The following GPC6 variants were observed in gnomAD, a reference collection of about 807,000 sequenced individuals.
GPC6 encodes the protein glypican-6.
GPC6 carries 14 observed loss-of-function variants against 55.2 expected under a neutral mutation model. That is an observed-to-expected ratio of 0.25 (90% CI 0.17 to 0.40). The LOEUF is 0.40. Among genes scored for constraint, GPC6 ranks in the 10% least tolerant of loss-of-function variants. The probability of loss-of-function intolerance (pLI) is 1.00; values close to 1 mark genes in which losing one functional copy is unlikely to be tolerated. For missense variants in GPC6, 641 were observed against 708.5 expected, an observed-to-expected ratio of 0.90 and a Z score of 1.08; for synonymous variants, 278 against 259.6, an observed-to-expected ratio of 1.07 and a Z score of -0.68.
At chr13:94,271,378 G>GCACA (rs1491249825) in intron 4 of GPC6, among the ~76,000 whole-genome samples, 18 of 112,822 alleles carry the variant, frequency 1.6e-4, no homozygotes, top group Non-Finnish European at 3.0e-4. Context: ...GCGCGCGCGC[G>GCACA]CGCGCACACA....
chr13:93,517,349 C>G (rs2139394207), intron 1 of GPC6, among the ~76,000 whole-genome samples: 1 of 152,098 alleles, frequency 6.6e-6, no homozygotes, highest in Middle Eastern at 3.4e-3. Flanking sequence ...TTCAGGCAAC[C>G]AGATAATAAG....
chr13:94,224,822 T>C (rs1216607750), intron 4 of GPC6, among the ~76,000 whole-genome samples: 1 of 152,120 alleles, frequency 6.6e-6, no homozygotes, highest in African/African-American at 2.4e-5. Context: ...TTGCACGACC[T>C]TTGTTCTTGA....
intron 2 of GPC6, among the ~76,000 whole-genome samples, chr13:93,726,008 G>C (rs1883622853): frequency 6.6e-6 from 1 of 151,494 alleles, no homozygotes; most frequent in South Asian, 2.1e-4. Context: ...CCCAATTAAA[G>C]TTCATCTAAT....
At chr13:94,333,756 G>A (rs539905817) in intron 6 of GPC6, among the ~76,000 whole-genome samples, 64 of 152,254 alleles carry the variant, frequency 4.2e-4, no homozygotes, top group Admixed American at 1.2e-3. Context: ...ATTCAAGTTC[G>A]GATCCTCTGA....
chr13:93,986,582 A>T (rs77712048), intron 3 of GPC6, among the ~76,000 whole-genome samples: 2,790 of 152,284 alleles, frequency 0.018, 97 homozygotes, highest in African/African-American at 0.064. Flanking sequence ...TGTGTATATT[A>T]TACATATCCA....
At chr13:93,331,984 A>T (rs914922588) in intron 1 of GPC6, among the ~76,000 whole-genome samples, 1 of 151,738 alleles carries the variant, frequency 6.6e-6, no homozygotes, top group African/African-American at 2.4e-5. Flanking sequence ...TGCCTGGCTT[A>T]TTTCACTTAA....
intron 1 of GPC6, among the ~76,000 whole-genome samples, chr13:93,535,693 A>AAAC (rs1274819780): frequency 1.3e-5 from 2 of 151,576 alleles, no homozygotes; most frequent in African/African-American, 4.9e-5. Context: ...GGAAAAAAAA[A>AAAC]AAAAAAAACC....
intron 1 of GPC6, among the ~76,000 whole-genome samples, chr13:93,532,924 T>TA (rs928274963): frequency 2.6e-5 from 4 of 152,208 alleles, no homozygotes; most frequent in African/African-American, 9.6e-5. Context: ...TTAAAGTTTT[T>TA]ATCAGGAAAT....
At chr13:93,241,296 T>C (rs1396784286) in intron 1 of GPC6, among the ~76,000 whole-genome samples, 1 of 152,244 alleles carries the variant, frequency 6.6e-6, no homozygotes, top group Non-Finnish European at 1.5e-5. Context: ...TTTGGATGTT[T>C]TAGAGAATCC....
At chr13:94,348,752 CT>C (rs1400179829) in intron 6 of GPC6, among the ~76,000 whole-genome samples, 1 of 152,180 alleles carries the variant, frequency 6.6e-6, no homozygotes, top group Non-Finnish European at 1.5e-5. Context: ...TCTTTAGCTA[CT>C]TTCTCATGCA....
At chr13:93,487,566 G>A (rs2139350192) in intron 1 of GPC6, among the ~76,000 whole-genome samples, 1 of 152,316 alleles carries the variant, frequency 6.6e-6, no homozygotes, top group East Asian at 1.9e-4. Context: ...GGGTAAGGAA[G>A]ACACAGAAAG....
intron 1 of GPC6, among the ~76,000 whole-genome samples, chr13:93,311,035 A>G (rs1222093243): frequency 6.6e-6 from 1 of 152,162 alleles, no homozygotes; most frequent in Non-Finnish European, 1.5e-5. Context: ...AAAAATGAAG[A>G]GTTGGGTCTC....
chr13:93,326,365 G>A (rs911637898), intron 1 of GPC6, among the ~76,000 whole-genome samples: 2 of 152,080 alleles, frequency 1.3e-5, no homozygotes, highest in Admixed American at 1.3e-4. Context: ...TGATGCTGCT[G>A]GTCCATGGGT....
chr13:93,708,157 T>A lies in GPC6; in HGVS notation c.320-121997T>A, dbSNP rs1296765504. Among the ~76,000 whole-genome samples, 6 of 151,978 alleles carry A rather than the reference T, an allele frequency of 3.9e-5. No homozygotes were observed. In the East Asian group the frequency reaches 1.2e-3, roughly 30 times the overall value. On this transcript the variant is annotated intron_variant, in intron 2 of 8. Transcript: ENST00000377047. Reference sequence around the variant, plus strand: ...TTATTTCATGACAAGTCTAATTATTTACAAGATTTCCCTTAATTAAGTAAC... The same window carrying A: ...TTATTTCATGACAAGTCTAATTATTAACAAGATTTCCCTTAATTAAGTAAC...
chr13:94,343,239 C>A (rs1286178387), intron 6 of GPC6, among the ~76,000 whole-genome samples: 1 of 152,116 alleles, frequency 6.6e-6, no homozygotes, highest in Non-Finnish European at 1.5e-5. Flanking sequence ...TTTAACCCAC[C>A]AGGAGAAGCC....
rs143511132 is a variant in GPC6, at chr13:94,006,249, C to T, written c.712-21480C>T. ...GAAAGGGCCATGTATGCAAAGTGAC[C>T]CCCAAATCCTGAAGGAGCTGAGGAA... On this transcript the variant is annotated intron_variant, in intron 3 of 8. Coordinates refer to ENST00000377047, the MANE Select transcript of GPC6 (RefSeq NM_005708.5). Among the ~76,000 whole-genome samples the T allele has an allele frequency of 2.7e-3, 414 of 152,088 alleles. 3 individuals are homozygous for T. Among genetic ancestry groups the T allele is most frequent in the African/African-American group, 9.6e-3 (399 of 41,470 alleles).
At chr13:93,900,259 G>A (rs578204562) in intron 3 of GPC6, among the ~76,000 whole-genome samples, 7 of 152,106 alleles carry the variant, frequency 4.6e-5, no homozygotes, top group African/African-American at 1.4e-4. Flanking sequence ...TCATAATTCA[G>A]TCTTCTAGTT....
At chr13:94,072,189 G>A (rs1884756243) in intron 4 of GPC6, among the ~76,000 whole-genome samples, 1 of 152,126 alleles carries the variant, frequency 6.6e-6, no homozygotes, top group African/African-American at 2.4e-5. Context: ...TAGTTTACAT[G>A]TATCTATTTT....
intron 6 of GPC6, among the ~76,000 whole-genome samples, chr13:94,362,989 C>T (rs1185570533): frequency 4.6e-5 from 7 of 152,132 alleles, no homozygotes; most frequent in East Asian, 1.9e-4. Flanking sequence ...CCATCATCTA[C>T]GTTTTAAGCC....
Sources: gnomAD v4.1 joint callset for allele counts (sites outside exome capture counted in the v4.1 genomes callset) on GRCh38, gnomAD v4.1.1 for gene constraint, MANE v1.5 for transcripts, NCBI Gene and HGNC (gene_info 2026-07-23, HGNC 2026-07-21) for gene names.